Variants in SMARCA4 observed in about 807,000 individuals in gnomAD.
The protein encoded by SMARCA4 is SWI/SNF-related matrix-associated actin-dependent regulator of chromatin subfamily A member 4.
In SMARCA4, 31 loss-of-function variants were observed where a neutral mutation model predicts 193.9. That is an observed-to-expected ratio of 0.16 (90% CI 0.12 to 0.22). The LOEUF (loss-of-function observed/expected upper bound fraction) is 0.22. Among genes scored for constraint, SMARCA4 ranks in the 10% least tolerant of loss-of-function variants. The probability of loss-of-function intolerance (pLI) is 1.00; values close to 1 mark genes in which losing one functional copy is unlikely to be tolerated. For synonymous variants in SMARCA4, 942 were observed against 933.1 expected, an observed-to-expected ratio of 1.01 and a Z score of -0.17; for missense variants, 1,148 against 2,296.0, an observed-to-expected ratio of 0.50 and a Z score of 10.22.
chr19:11,013,683 G>A (rs957063442), intron 16 of SMARCA4, among the ~76,000 whole-genome samples: 11 of 152,232 alleles, frequency 7.2e-5, no homozygotes, highest in African/African-American at 1.9e-4. Context: ...CCATGCAGGG[G>A]AGTCGCAGGA....
chr19:10,994,473 C>T (rs2086843824), intron 8 of SMARCA4, among the ~76,000 whole-genome samples: 1 of 151,604 alleles, frequency 6.6e-6, no homozygotes, highest in Non-Finnish European at 1.5e-5. Flanking sequence ...ACAGGCGGCC[C>T]CTCACCACGC....
chr19:11,051,068 G>A (rs1347971228), intron 30 of SMARCA4, among the ~76,000 whole-genome samples: 1 of 152,272 alleles, frequency 6.6e-6, no homozygotes, highest in Non-Finnish European at 1.5e-5. Context: ...AAAAGTCATG[G>A]ATGGAGTTGC....
chr19:10,973,287 A>G (rs2084826165), intron 1 of SMARCA4, among the ~76,000 whole-genome samples: 1 of 152,130 alleles, frequency 6.6e-6, no homozygotes, highest in African/African-American at 2.4e-5. Flanking sequence ...CTAGGATAGC[A>G]TTTGCAGGCT....
chr19:10,982,523 G>A (rs1403649693), intron 1 of SMARCA4, among the ~76,000 whole-genome samples: 6 of 149,566 alleles, frequency 4.0e-5, no homozygotes, highest in African/African-American at 1.5e-4. Flanking sequence ...TTTTTGAGAC[G>A]GAGTCTTGCT....
intron 1 of SMARCA4, among the ~76,000 whole-genome samples, chr19:10,975,630 C>A (rs1006710746): frequency 6.6e-6 from 1 of 151,234 alleles, no homozygotes; most frequent in Non-Finnish European, 1.5e-5. Context: ...TTTTGATGTG[C>A]CAAGACTTCT....
chr19:11,038,180 G>A (rs920096185), intron 29 of SMARCA4, among the ~76,000 whole-genome samples: 5 of 152,304 alleles, frequency 3.3e-5, no homozygotes, highest in African/African-American at 1.2e-4. Flanking sequence ...CCTAGGAGAG[G>A]ACCCTTCCTT....
At chr19:10,976,777 G>A (rs2085164469) in intron 1 of SMARCA4, among the ~76,000 whole-genome samples, 1 of 134,144 alleles carries the variant, frequency 7.5e-6, no homozygotes, top group African/African-American at 2.8e-5. Context: ...AAATTGGGCC[G>A]GGCGTGGTGC....
intron 34 of SMARCA4, among the ~76,000 whole-genome samples, chr19:11,061,204 A>AAAAAAAATATATATATATATATATAT (rs1555797070): frequency 2.2e-5 from 1 of 45,224 alleles, no homozygotes; most frequent in African/African-American, 1.1e-4. Flanking sequence ...AAAAAAAAAA[A>AAAAAAAATATATATATATATATATAT]ATATATATAT....
intron 13 of SMARCA4, 59 bp from the exon 14 acceptor site, chr19:11,007,843 A>G: frequency 4.4e-6 from 7 of 1,598,492 alleles, no homozygotes; most frequent in Non-Finnish European, 6.0e-6. Flanking sequence ...TCCCCATGGG[A>G]GTCCCGTCCC....
At chr19:11,032,840 C>T (rs549602539) in intron 25 of SMARCA4, among the ~76,000 whole-genome samples, 1 of 152,304 alleles carries the variant, frequency 6.6e-6, no homozygotes, top group East Asian at 1.9e-4. Context: ...GAGGTGAGAC[C>T]TGGTTCCGGT....
intron 1 of SMARCA4, among the ~76,000 whole-genome samples, chr19:10,968,637 T>C (rs1050066011): frequency 1.3e-5 from 2 of 152,130 alleles, no homozygotes; most frequent in African/African-American, 4.8e-5. Flanking sequence ...CGTGATCCAC[T>C]GTGCTAGCTC....
intron 30 of SMARCA4, among the ~76,000 whole-genome samples, chr19:11,048,173 C>T (rs1286492821): frequency 1.3e-5 from 2 of 152,024 alleles, no homozygotes; most frequent in Non-Finnish European, 2.9e-5. Flanking sequence ...TTGTCTCCAA[C>T]TTTGAATTGC....
chr19:11,020,137 C>T (rs901250506), intron 18 of SMARCA4, among the ~76,000 whole-genome samples: 1 of 152,136 alleles, frequency 6.6e-6, no homozygotes, highest in Non-Finnish European at 1.5e-5. Context: ...GGGGAGAGCT[C>T]GAGGGCCAAA....
intron 1 of SMARCA4, among the ~76,000 whole-genome samples, chr19:10,983,230 A>G (rs2085708983): frequency 6.6e-6 from 1 of 152,168 alleles, no homozygotes; most frequent in African/African-American, 2.4e-5. Flanking sequence ...CCCCTTATGC[A>G]TATTAGCATC....
At chr19:10,989,192 T>G (rs1433735634) in intron 6 of SMARCA4, 125 bp from the exon 7 acceptor site, 25 of 1,219,638 alleles carry the variant, frequency 2.0e-5, no homozygotes, top group Non-Finnish European at 2.8e-5. Context: ...CATCCTCTTC[T>G]GAGGCATCTC....
At position 11,031,001 on chromosome 19, in the gene SMARCA4, G is replaced by A; in HGVS notation, c.3546+108G>A. The A allele has an allele frequency of 2.8e-6, 3 of 1,060,108 alleles. No individual in the cohort carries two copies. Among genetic ancestry groups the A allele is most frequent in the Non-Finnish European group, 4.2e-6 (3 of 710,842 alleles). 65.7% of individuals were successfully genotyped at this position (1,060,108 alleles called of 1,614,324 possible). On this transcript the variant is annotated intron_variant, in intron 25 of 34. Coordinates refer to ENST00000344626, the MANE Select transcript of SMARCA4 (RefSeq NM_003072.5). The surrounding 1 kb of genome is among the most constrained non-coding windows in gnomAD (Gnocchi z 4.3). ...CCTCCAGCCTCCTCCACATTGTCTT[G>A]GACCCCAGGAGCCGGGAGGAGCTGC... is the stretch of plus-strand genomic sequence containing the variant.
intron 13 of SMARCA4, among the ~76,000 whole-genome samples, chr19:11,003,742 C>T (rs1352442964): frequency 1.6e-4 from 24 of 147,386 alleles, no homozygotes; most frequent in African/African-American, 5.0e-5. Flanking sequence ...AACGGAGTCT[C>T]ACTCTGTCAC....
intron 30 of SMARCA4, among the ~76,000 whole-genome samples, chr19:11,045,624 A>G (rs2146888631): frequency 6.6e-6 from 1 of 151,506 alleles, no homozygotes; most frequent in African/African-American, 2.4e-5. Context: ...GACAAAAAGT[A>G]TGTCTAGTGT....
chr19:10,991,361 A>T (rs2145884941), intron 8 of SMARCA4, 38 bp downstream of exon 8: 2 of 1,558,928 alleles, frequency 1.3e-6, no homozygotes, highest in Non-Finnish European at 1.7e-6. Context: ...CAGCCCGCCC[A>T]CCTGGCTGCC....
Sources: allele counts gnomAD v4.1 joint callset (sites outside exome capture counted in the v4.1 genomes callset), GRCh38; gene constraint gnomAD v4.1.1; non-coding constraint Gnocchi (gnomAD v3.1); transcripts MANE v1.5; gene names NCBI Gene and HGNC (gene_info 2026-07-23, HGNC 2026-07-21).